Variants in SEMA5B observed in about 807,000 individuals in gnomAD.
The protein encoded by SEMA5B is semaphorin 5B.
A neutral mutation model predicts 135.0 loss-of-function variants in SEMA5B; 66 were observed. The ratio of observed to expected loss-of-function variants is 0.49; its 90% CI spans 0.40 to 0.60. The LOEUF (loss-of-function observed/expected upper bound fraction) is 0.60. Ranked by LOEUF, SEMA5B falls within the 20% of genes least tolerant of loss-of-function variation. The pLI is 0.00. For synonymous variants in SEMA5B, 690 were observed against 639.5 expected (o/e 1.08, Z -1.19); for missense variants, 1,501 against 1,566.3 (o/e 0.96, Z 0.70).
intron 1 of SEMA5B, chr3:122,975,916 C>G: frequency 2.4e-5 from 35 of 1,469,330 alleles, no homozygotes; most frequent in Non-Finnish European, 2.8e-5. Context: ...CCCTCTCCTG[C>G]CCCCTCTCTG....
At chr3:122,983,094 C>G (rs1248850807) in intron 1 of SEMA5B, among the ~76,000 whole-genome samples, 2 of 152,192 alleles carry the variant, frequency 1.3e-5, no homozygotes, top group Admixed American at 6.5e-5. Context: ...GTCCATTCCC[C>G]CAACCCCACC....
At chr3:123,021,058 T>C (rs548303981) in intron 1 of SEMA5B, among the ~76,000 whole-genome samples, 5 of 152,216 alleles carry the variant, frequency 3.3e-5, no homozygotes, top group African/African-American at 4.8e-5. Context: ...TTTGGAGCTT[T>C]TACCACAAGG....
At position 122,913,181 on chromosome 3, in the gene SEMA5B, G is replaced by A; in HGVS notation, c.2506+18C>T. The A allele has an allele frequency of 1.3e-6, 2 of 1,539,146 alleles. No homozygotes were observed. Among genetic ancestry groups the A allele is most frequent in the Non-Finnish European group, 8.7e-7 (1 of 1,152,114 alleles). ...GGGGCTGGGAGAGAGGAAGGAGGGG[G>A]CGCCGGGCGCGGGGTACCGTCGGTG... is the stretch of plus-strand genomic sequence containing the variant. On this transcript the variant is annotated intron_variant, in intron 17 of 22. Transcript: ENST00000357599.
At chr3:122,928,468 AC>A in intron 7 of SEMA5B, 48 bp downstream of exon 7, 1 of 1,436,350 alleles carries the variant, frequency 7.0e-7, no homozygotes, top group Non-Finnish European at 9.5e-7. Flanking sequence ...AGGCAGGAGA[AC>A]CCCCGGCATG....
chr3:122,994,870 C>T (rs1015878825), intron 1 of SEMA5B, among the ~76,000 whole-genome samples: 18 of 152,190 alleles, frequency 1.2e-4, no homozygotes, highest in African/African-American at 4.3e-4. Context: ...ATGCCTGGCC[C>T]TCAGAGATGC....
At chr3:122,914,529 ACTTAACTTTAAAGTACT>A (rs1361254647) in intron 14 of SEMA5B, among the ~76,000 whole-genome samples, 3 of 152,234 alleles carry the variant, frequency 2.0e-5, no homozygotes, top group Non-Finnish European at 4.4e-5. Flanking sequence ...ACCTTCTGTA[ACTTAACTTTAAAGTACT>A]CTTAACTTTA....
In SEMA5B at chr3:123,012,039, G is replaced by A. The variant is rs144412389; in HGVS notation, c.-39+15425C>T. On this transcript the variant is annotated intron_variant, in intron 1 of 22. Transcript: ENST00000357599. The stretch of plus-strand genomic sequence containing the variant: ...GGAGCCACAGGAGAGGCCCAGTCAC[G>A]TGGAAAGAGCACACTTTGGCTTCGC... Among the ~76,000 whole-genome samples, 304 of 152,284 alleles carry A rather than the reference G, an allele frequency of 2.0e-3. 2 individuals carry two copies. The highest frequency in any genetic ancestry group is 6.5e-3 in the African/African-American group (270 of 41,548).
At chr3:122,994,124 C>T (rs1458253932) in intron 1 of SEMA5B, among the ~76,000 whole-genome samples, 1 of 152,104 alleles carries the variant, frequency 6.6e-6, no homozygotes, top group African/African-American at 2.4e-5. Context: ...GCCCGACTTC[C>T]TCAACCTTCC....
At position 122,911,524 on chromosome 3, in the gene SEMA5B, C is replaced by A; in HGVS notation, c.3058G>T (p.Ala1020Ser). The change falls in exon 21 of 23, where the codon GCC (alanine) becomes TCC (serine). Residue 1020 changes from alanine (A) to serine (S), a missense_variant. Physicochemically the swap from Ala to Ser is moderately conservative, Grantham distance 99. Transcript: ENST00000357599. ...TCGGTGGCCTCCTCCATGCTGGAGG[C>A]TGGCAGGATGACTGCAGGAAGACCA... is the stretch of plus-strand genomic sequence containing the variant. ...PYSEIPVILP[A>S]SSMEEATDCA... is the part of the protein sequence containing the mutation. 6.2e-7 allele frequency: 1 copy of A among 1,610,276 alleles called. No individual in the cohort carries two copies. Among genetic ancestry groups the A allele is most frequent in the Non-Finnish European group, 8.5e-7 (1 of 1,179,042 alleles).
rs979936509 is a variant in SEMA5B at position 122,911,549 on chromosome 3, A to C, written c.3047-14T>G. On this transcript the variant is annotated splice_polypyrimidine_tract_variant and intron_variant, in intron 20 of 22. Coordinates refer to ENST00000357599, the MANE Select transcript of SEMA5B (RefSeq NM_001031702.4). ...CTGGCAGGATGACTGCAGGAAGACC[A>C]GTGGACAGGGTGTCAGGGGCGGAGA... The C allele has an allele frequency of 5.0e-6, 8 of 1,608,210 alleles. No individual in the cohort carries two copies. The Admixed American group carries it at 6.7e-5, about 13-fold the overall frequency.
rs369921743 is a variant in SEMA5B at position 122,988,776 on chromosome 3, C to A, written c.-38-27475G>T. On this transcript the variant is annotated intron_variant, in intron 1 of 22. Coordinates refer to ENST00000357599, the MANE Select transcript of SEMA5B (RefSeq NM_001031702.4). The stretch of plus-strand genomic sequence containing the variant: ...ATTAATCTCGCCTCATCTGGGCTCT[C>A]ATGCCCGTGAGGGCTACCACACCTC... 6.1e-4 allele frequency among the ~76,000 whole-genome samples: 93 copies of A among 152,388 alleles called. 1 individual carries two copies. Among genetic ancestry groups the A allele is most frequent in the African/African-American group, 2.2e-3 (90 of 41,592 alleles).
intron 5 of SEMA5B, among the ~76,000 whole-genome samples, chr3:122,932,077 A>G (rs1388990736): frequency 1.3e-5 from 2 of 152,198 alleles, no homozygotes; most frequent in Admixed American, 1.3e-4. Context: ...GTGAGTGAGA[A>G]TCAATGAAAT....
At chr3:123,016,077 G>T (rs1942548040) in intron 1 of SEMA5B, among the ~76,000 whole-genome samples, 1 of 152,170 alleles carries the variant, frequency 6.6e-6, no homozygotes, top group Non-Finnish European at 1.5e-5. Context: ...GGAGGATGAG[G>T]GGTGGGAAGG....
At chr3:122,966,556 TA>T (rs201444722) in intron 1 of SEMA5B, among the ~76,000 whole-genome samples, 5,011 of 149,458 alleles carry the variant, frequency 0.034, 339 homozygotes, top group African/African-American at 0.12. Flanking sequence ...TTATTATTAT[TA>T]TTATTATTAT....
chr3:122,923,944 C>T (rs532718952), intron 9 of SEMA5B, among the ~76,000 whole-genome samples, 192 bp from the exon 10 acceptor site: 47 of 152,276 alleles, frequency 3.1e-4, no homozygotes, highest in Admixed American at 1.8e-3. Flanking sequence ...GAACGACCCA[C>T]TGACAAGAGG....
chr3:122,969,427 C>G (rs1241483900), intron 1 of SEMA5B, among the ~76,000 whole-genome samples: 1 of 152,176 alleles, frequency 6.6e-6, no homozygotes, highest in Non-Finnish European at 1.5e-5. Context: ...TGAGTCCAGC[C>G]CAGTTCCTCT....
rs763287622 is a variant in SEMA5B, at chr3:122,929,032, G to T, written c.501C>A (p.Asp167Glu). 8 of 1,612,208 alleles carry T rather than the reference G, an allele frequency of 5.0e-6. No homozygotes were observed. The highest frequency in any genetic ancestry group is 1.3e-5 in the African/African-American group (1 of 75,048). ...LQATEWASSEDTRRSCQSKGK... is the reference protein window; with the variant it reads ...LQATEWASSEETRRSCQSKGK... ...CTTTGCTTTGGCAGGAGCGGCGCGTGTCCTCACTGGAGGCCCACTCTGTGG... is the reference window on the plus strand; with the variant it reads ...CTTTGCTTTGGCAGGAGCGGCGCGTTTCCTCACTGGAGGCCCACTCTGTGG... The change falls in exon 6 of 23, where the codon GAC (aspartate) becomes GAA (glutamate). Residue 167 changes from aspartate to glutamate, a missense_variant. Coordinates refer to ENST00000357599, the MANE Select transcript of SEMA5B (RefSeq NM_001031702.4).
chr3:122,948,738 G>T (rs1939917462), intron 2 of SEMA5B, 29 bp from the exon 3 acceptor site: 1 of 1,550,650 alleles, frequency 6.4e-7, no homozygotes, highest in Non-Finnish European at 8.8e-7. Flanking sequence ...GTCTCACCAA[G>T]CGCTCCCTCC....
intron 1 of SEMA5B, among the ~76,000 whole-genome samples, chr3:123,016,967 C>A (rs1305145572): frequency 6.8e-6 from 1 of 148,086 alleles, no homozygotes. Context: ...TCTCGGCTCA[C>A]TGCAAGCTCC....
Sources: gnomAD v4.1 joint callset for allele counts (sites outside exome capture counted in the v4.1 genomes callset) on GRCh38, gnomAD v4.1.1 for gene constraint, MANE v1.5 for transcripts, NCBI Gene and HGNC (gene_info 2026-07-23, HGNC 2026-07-21) for gene names.